Variants in ACSL3 observed in about 807,000 individuals in gnomAD.
ACSL3 encodes acyl-CoA synthetase long chain family member 3.
In ACSL3, 34 loss-of-function variants were observed where a neutral mutation model predicts 84.7. That is an observed-to-expected ratio of 0.40 (90% CI 0.31 to 0.53). The LOEUF (loss-of-function observed/expected upper bound fraction) is 0.53. Among genes scored for constraint, ACSL3 ranks in the 20% least tolerant of loss-of-function variants. The pLI, the probability that ACSL3 is intolerant of heterozygous loss-of-function variation, is 0.48. For synonymous variants in ACSL3, 315 were observed against 299.4 expected (o/e 1.05, Z -0.54); for missense variants, 680 against 873.1 (o/e 0.78, Z 2.79).
chr2:222,906,344 C>T lies in ACSL3; in HGVS notation c.-40-2389C>T, dbSNP rs1038733994. On this transcript the variant is annotated intron_variant, in intron 3 of 16. Coordinates refer to ENST00000357430, the MANE Select transcript of ACSL3 (RefSeq NM_004457.5). ...CTCAGATCTCCTTGTTAAGCTTCTG[C>T]TTTCATTGGTATCACCACCCAGCAA... Among the ~76,000 whole-genome samples the T allele has an allele frequency of 9.2e-5, 14 of 152,314 alleles. No homozygotes were observed. The East Asian group carries it at 2.7e-3, about 29-fold the overall frequency.
In ACSL3 at chr2:222,919,759, C is replaced by T. The variant is rs118022386; in HGVS notation, c.805+557C>T. On this transcript the variant is annotated intron_variant, in intron 7 of 16. Coordinates refer to ENST00000357430, the MANE Select transcript of ACSL3 (RefSeq NM_004457.5). Reference sequence around the variant, plus strand: ...CTGGGATGCTGGGACTGCATTTCCTCTGTAGTTGGAAACCTAGTAATTAGA... The same window carrying T: ...CTGGGATGCTGGGACTGCATTTCCTTTGTAGTTGGAAACCTAGTAATTAGA... Among the ~76,000 whole-genome samples, 172 of 152,318 alleles carry T rather than the reference C, an allele frequency of 1.1e-3. 2 individuals carry two copies. In the East Asian group the frequency reaches 0.023, roughly 20 times the overall value.
intron 1 of ACSL3, among the ~76,000 whole-genome samples, chr2:222,871,188 T>C (rs1695293857): frequency 6.6e-6 from 1 of 152,166 alleles, no homozygotes; most frequent in Non-Finnish European, 1.5e-5. Flanking sequence ...AAATGCTTTT[T>C]AAGTTTTGAG....
chr2:222,863,593 A>G (rs1468079854), intron 1 of ACSL3, among the ~76,000 whole-genome samples: 1 of 152,182 alleles, frequency 6.6e-6, no homozygotes, highest in Non-Finnish European at 1.5e-5. Flanking sequence ...TTTGGGCTTG[A>G]ATATTGGATT....
chr2:222,906,114 C>T (rs1696286294), intron 3 of ACSL3, among the ~76,000 whole-genome samples: 1 of 152,116 alleles, frequency 6.6e-6, no homozygotes, highest in African/African-American at 2.4e-5. Context: ...ATTTTCCCTC[C>T]CCTCTTCCAG....
Position 222,933,151 on chromosome 2 carries a change from T to G in ACSL3, c.1733-15T>G, listed in dbSNP as rs1024190255. ...ACTCATTGTTTTCCCCTCTCCACCTTTCTTTGTTTTGCAGATCGTAAAAAG... is the reference window on the plus strand; with the variant it reads ...ACTCATTGTTTTCCCCTCTCCACCTGTCTTTGTTTTGCAGATCGTAAAAAG... On this transcript the variant is annotated splice_polypyrimidine_tract_variant and intron_variant, in intron 14 of 16. Coordinates refer to ENST00000357430, the MANE Select transcript of ACSL3 (RefSeq NM_004457.5). 4 of 1,539,014 alleles carry G rather than the reference T, an allele frequency of 2.6e-6. No individual in the cohort carries two copies. The highest frequency in any genetic ancestry group is 3.6e-6 in the Non-Finnish European group (4 of 1,113,260).
At chr2:222,877,539 G>A (rs1695480710) in intron 1 of ACSL3, among the ~76,000 whole-genome samples, 1 of 152,200 alleles carries the variant, frequency 6.6e-6, no homozygotes, top group South Asian at 2.1e-4. Context: ...ACTAACCTCA[G>A]TGACGGCTAC....
intron 1 of ACSL3, among the ~76,000 whole-genome samples, chr2:222,869,083 C>T (rs1418521147): frequency 6.6e-6 from 1 of 152,072 alleles, no homozygotes; most frequent in Non-Finnish European, 1.5e-5. Context: ...CAAGGGTCTA[C>T]TCTTGTTAGT....
intron 1 of ACSL3, among the ~76,000 whole-genome samples, chr2:222,877,145 C>T (rs1344918983): frequency 6.6e-6 from 1 of 151,798 alleles, no homozygotes; most frequent in East Asian, 1.9e-4. Flanking sequence ...CAGGGGGAGG[C>T]CTGATAGATT....
chr2:222,930,511 T>G, intron 13 of ACSL3, 110 bp from the exon 14 acceptor site: 1 of 936,938 alleles, frequency 1.1e-6, no homozygotes, highest in Non-Finnish European at 1.5e-6. Flanking sequence ...CTTTTTTCCT[T>G]TGGGAAGTTC....
At chr2:222,880,941 G>C (rs1171170889) in intron 1 of ACSL3, among the ~76,000 whole-genome samples, 2 of 152,014 alleles carry the variant, frequency 1.3e-5, no homozygotes, top group African/African-American at 4.8e-5. Context: ...GATTCCTTCA[G>C]ATTTTCTTGT....
chr2:222,863,176 C>T (rs998556399), intron 1 of ACSL3, among the ~76,000 whole-genome samples: 11 of 152,054 alleles, frequency 7.2e-5, no homozygotes, highest in Admixed American at 1.3e-4. Flanking sequence ...GTCATACAAA[C>T]GGATAGGTGG....
chr2:222,922,929 T>C, intron 9 of ACSL3, 98 bp downstream of exon 9: 2 of 1,507,060 alleles, frequency 1.3e-6, no homozygotes, highest in Admixed American at 2.0e-5. Flanking sequence ...AGAGCGATGG[T>C]TCATTTTAAA....
chr2:222,863,210 A>C (rs1347603250), intron 1 of ACSL3, among the ~76,000 whole-genome samples: 1 of 152,192 alleles, frequency 6.6e-6, no homozygotes, highest in Non-Finnish European at 1.5e-5. Context: ...AGGTACGATG[A>C]AGGAAAAGTA....
At chr2:222,879,521 G>A (rs1006851158) in intron 1 of ACSL3, among the ~76,000 whole-genome samples, 1 of 152,138 alleles carries the variant, frequency 6.6e-6, no homozygotes, top group Admixed American at 6.5e-5. Context: ...AGCCTGGAGG[G>A]ATTTATTCAG....
intron 3 of ACSL3, among the ~76,000 whole-genome samples, chr2:222,901,870 G>A (rs749340996): frequency 6.7e-5 from 10 of 148,484 alleles, no homozygotes; most frequent in East Asian, 2.0e-4. Flanking sequence ...ACTTGAACCC[G>A]GAGGCGAAGG....
intron 2 of ACSL3, among the ~76,000 whole-genome samples, chr2:222,894,494 T>C (rs1695921847): frequency 6.6e-6 from 1 of 152,248 alleles, no homozygotes; most frequent in African/African-American, 2.4e-5. Context: ...AAGATTTTGT[T>C]TGCTCATCTT....
chr2:222,919,336 C>T, intron 7 of ACSL3, 134 bp downstream of exon 7: 1 of 950,750 alleles, frequency 1.1e-6, no homozygotes, highest in Non-Finnish European at 1.5e-6. Flanking sequence ...AAAACAGGTC[C>T]CTCTAGGTAT....
At chr2:222,935,967 C>G (rs1219740996) in intron 16 of ACSL3, among the ~76,000 whole-genome samples, 1 of 152,076 alleles carries the variant, frequency 6.6e-6, no homozygotes, top group Non-Finnish European at 1.5e-5. Flanking sequence ...CTTTATGTTT[C>G]TAAAATTTTG....
At chr2:222,917,666 G>A (rs74367917) in intron 5 of ACSL3, 17,504 of 155,372 alleles carry the variant, frequency 0.11, 1,256 homozygotes, top group South Asian at 0.19. Flanking sequence ...CTGACATTCA[G>A]TGTGTCATCC....
Sources: gnomAD v4.1 joint callset for allele counts (sites outside exome capture counted in the v4.1 genomes callset) on GRCh38, gnomAD v4.1.1 for gene constraint, MANE v1.5 for transcripts, NCBI Gene and HGNC (gene_info 2026-07-23, HGNC 2026-07-21) for gene names.